The following ZNF521 variants were observed in gnomAD, a reference collection of about 807,000 sequenced individuals.
ZNF521 encodes the protein LYST-interacting protein 3.
In ZNF521, 14 loss-of-function variants were observed where a neutral mutation model predicts 105.5. That is an observed-to-expected ratio of 0.13 (90% CI 0.09 to 0.21). The LOEUF is 0.21. ZNF521 is among the 10% of genes least tolerant of loss of function. ZNF521 has a pLI of 1.00. For synonymous variants in ZNF521, 635 were observed against 606.0 expected, an observed-to-expected ratio of 1.05 and a Z score of -0.70; for missense variants, 1,233 against 1,629.7, an observed-to-expected ratio of 0.76 and a Z score of 4.19.
At chr18:25,243,170 G>A (rs1410141074) in intron 3 of ZNF521, among the ~76,000 whole-genome samples, 2 of 152,118 alleles carry the variant, frequency 1.3e-5, no homozygotes, top group Non-Finnish European at 2.9e-5. Flanking sequence ...CACATTATTT[G>A]TGGAACTCTG....
chr18:25,128,734 A>G (rs2144383805), intron 5 of ZNF521, among the ~76,000 whole-genome samples: 1 of 152,180 alleles, frequency 6.6e-6, no homozygotes, highest in South Asian at 2.1e-4. Context: ...ACCTACGTAT[A>G]GACCTAATGA....
intron 3 of ZNF521, chr18:25,231,361 AGTAACACCT>A (rs1366450922): frequency 3.0e-4 from 45 of 152,446 alleles, no homozygotes; most frequent in African/African-American, 1.1e-3. Context: ...TTAGCAGCAG[AGTAACACCT>A]GTTCAGGCAT....
At chr18:25,070,250 T>C (rs559160512) in intron 7 of ZNF521, among the ~76,000 whole-genome samples, 10 of 152,332 alleles carry the variant, frequency 6.6e-5, no homozygotes, top group Admixed American at 1.3e-4. Context: ...ATACCTCCCA[T>C]AGGAAACAAT....
At chr18:25,255,728 T>C (rs1019366900) in intron 3 of ZNF521, among the ~76,000 whole-genome samples, 1 of 151,814 alleles carries the variant, frequency 6.6e-6, no homozygotes, top group African/African-American at 2.4e-5. Flanking sequence ...TCTCGTAACA[T>C]AGTATCAGCT....
chr18:25,226,097 T>C lies in ZNF521; in HGVS notation c.1821A>G (p.Leu607=). The change falls in exon 4 of 8, where the codon CTA becomes CTG. Residue 607 remains leucine, a synonymous_variant. Coordinates refer to ENST00000361524, the MANE Select transcript of ZNF521 (RefSeq NM_015461.3). The surrounding 1 kb of genome is among the most constrained non-coding windows in gnomAD (Gnocchi z 4.1). ...NGKKSRALSP[L]SPVAIEQTSL... ...ATGTCTGCTCTATGGCCACAGGAGA[T>C]AGGGGGCTTAAGGCCCTGGATTTCT... 9 of 1,614,160 alleles carry C rather than the reference T, an allele frequency of 5.6e-6. No homozygotes were observed. Among genetic ancestry groups the C allele is most frequent in the Non-Finnish European group, 7.6e-6 (9 of 1,180,016 alleles).
intron 7 of ZNF521, among the ~76,000 whole-genome samples, chr18:25,063,503 ACT>A (rs1029437394): frequency 2.3e-4 from 35 of 151,258 alleles, no homozygotes; most frequent in African/African-American, 8.3e-4. Flanking sequence ...CTGAGTGAAC[ACT>A]CTCTTTCCAA....
intron 5 of ZNF521, among the ~76,000 whole-genome samples, chr18:25,153,999 C>A (rs149764850): frequency 1.3e-5 from 2 of 152,096 alleles, no homozygotes; most frequent in African/African-American, 4.8e-5. Flanking sequence ...GAAACAATGA[C>A]AAGATTAAAG....
intron 4 of ZNF521, among the ~76,000 whole-genome samples, chr18:25,200,359 T>C (rs1212429294): frequency 6.6e-6 from 1 of 152,010 alleles, no homozygotes; most frequent in Non-Finnish European, 1.5e-5. Context: ...CTTTAGTCTA[T>C]TTCAAGATTT....
intron 3 of ZNF521, among the ~76,000 whole-genome samples, chr18:25,291,239 C>T (rs1361736201): frequency 6.6e-6 from 1 of 152,066 alleles, no homozygotes; most frequent in Non-Finnish European, 1.5e-5. Context: ...CTATTTTACC[C>T]TCCGTCTAAA....
intron 2 of ZNF521, among the ~76,000 whole-genome samples, chr18:25,347,830 G>C (rs1914528634): frequency 6.6e-6 from 1 of 152,184 alleles, no homozygotes; most frequent in African/African-American, 2.4e-5. Flanking sequence ...ACTTTCCTGA[G>C]ATACAAGTTT....
In ZNF521 at chr18:25,128,870, A is replaced by C. The variant is rs75897450; in HGVS notation, c.3659-36789T>G. On this transcript the variant is annotated intron_variant, in intron 5 of 7. Coordinates refer to ENST00000361524, the MANE Select transcript of ZNF521 (RefSeq NM_015461.3). ...ACAACTCAATATTGTTAAGATGTCAATTCTTCCCAACTTGACCAATAAATT... is the reference window on the plus strand; with the variant it reads ...ACAACTCAATATTGTTAAGATGTCACTTCTTCCCAACTTGACCAATAAATT... Among the ~76,000 whole-genome samples the C allele has an allele frequency of 8.7e-4, 133 of 152,200 alleles. 3 individuals are homozygous for C. The East Asian group carries it at 0.02, about 23-fold the overall frequency.
At chr18:25,308,539 G>T (rs1912111289) in intron 3 of ZNF521, among the ~76,000 whole-genome samples, 1 of 150,820 alleles carries the variant, frequency 6.6e-6, no homozygotes, top group South Asian at 2.1e-4. Context: ...CTCTTCTGTC[G>T]ACCTGAAGCA....
intron 7 of ZNF521, among the ~76,000 whole-genome samples, chr18:25,079,673 G>C (rs2033448567): frequency 6.6e-6 from 1 of 151,966 alleles, no homozygotes; most frequent in Non-Finnish European, 1.5e-5. Context: ...CAGATGGTGG[G>C]GGGGACGCAG....
chr18:25,188,024 C>G (rs750875723), intron 5 of ZNF521, among the ~76,000 whole-genome samples: 1 of 151,986 alleles, frequency 6.6e-6, no homozygotes, highest in Admixed American at 6.6e-5. Context: ...GTTTTTTTGT[C>G]AAGGAACTGA....
intron 1 of ZNF521, 167 bp downstream of exon 1, chr18:25,351,838 G>A (rs1444987939): frequency 5.6e-6 from 1 of 179,254 alleles, no homozygotes; most frequent in Non-Finnish European, 1.1e-5. Flanking sequence ...CCGGCGGCTG[G>A]CGCTGGACCG....
intron 3 of ZNF521, among the ~76,000 whole-genome samples, chr18:25,251,462 G>T (rs1908110150): frequency 1.3e-5 from 2 of 152,238 alleles, no homozygotes; most frequent in Non-Finnish European, 2.9e-5. Context: ...TACAGCAGGG[G>T]CCTAATAAAT....
At chr18:25,142,372 A>T (rs952654352) in intron 5 of ZNF521, among the ~76,000 whole-genome samples, 2 of 152,204 alleles carry the variant, frequency 1.3e-5, no homozygotes, top group Admixed American at 6.6e-5. Flanking sequence ...AGCAATTGCC[A>T]TAAGCATTGT....
intron 5 of ZNF521, among the ~76,000 whole-genome samples, chr18:25,109,020 A>G (rs1262370503): frequency 2.6e-5 from 4 of 152,292 alleles, no homozygotes; most frequent in East Asian, 1.9e-4. Context: ...TATATTGCAT[A>G]ATGGTGAGAT....
chr18:25,155,285 T>C (rs2035122568), intron 5 of ZNF521, among the ~76,000 whole-genome samples: 1 of 152,214 alleles, frequency 6.6e-6, no homozygotes, highest in African/African-American at 2.4e-5. Context: ...ATGAGTTCTT[T>C]ATTAATCTTG....
Sources: allele counts gnomAD v4.1 joint callset (sites outside exome capture counted in the v4.1 genomes callset), GRCh38; gene constraint gnomAD v4.1.1; non-coding constraint Gnocchi (gnomAD v3.1); transcripts MANE v1.5; gene names NCBI Gene and HGNC (gene_info 2026-07-23, HGNC 2026-07-21).